DUSP4: variants seen among roughly 807,000 people sequenced by gnomAD.
The protein encoded by DUSP4 is dual specificity phosphatase 4, also known as dual specificity protein phosphatase 4.
DUSP4 carries 12 observed loss-of-function variants against 27.2 expected under a neutral mutation model. The observed-to-expected ratio is 0.44, with a 90% confidence interval of 0.28 to 0.71. The LOEUF (loss-of-function observed/expected upper bound fraction) is 0.71, where lower values mean the gene tolerates loss of function less well. Ranked by LOEUF, DUSP4 falls within the 30% of genes least tolerant of loss-of-function variation. The pLI, the probability that DUSP4 is intolerant of heterozygous loss-of-function variation, is 0.14. For synonymous variants in DUSP4, 257 were observed against 245.2 expected, an observed-to-expected ratio of 1.05 and a Z score of -0.45; for missense variants, 448 against 551.3, an observed-to-expected ratio of 0.81 and a Z score of 1.88.
intron 1 of DUSP4, among the ~76,000 whole-genome samples, chr8:29,347,221 G>C (rs1817748499): frequency 6.6e-6 from 1 of 152,168 alleles, no homozygotes. Context: ...CACTGCACTG[G>C]CTTCCAGGCA....
At chr8:29,341,825 A>C (rs748429894) in intron 1 of DUSP4, among the ~76,000 whole-genome samples, 1 of 152,212 alleles carries the variant, frequency 6.6e-6, no homozygotes, top group Non-Finnish European at 1.5e-5. Flanking sequence ...CTGTGATGGG[A>C]AACTTCAGTC....
chr8:29,344,829 ATCT>A (rs1314872834), intron 1 of DUSP4, among the ~76,000 whole-genome samples: 1 of 149,534 alleles, frequency 6.7e-6, no homozygotes, highest in African/African-American at 2.5e-5. Context: ...ATGGTCATGG[ATCT>A]TTTTTTTTTT....
rs1361152369 is a variant in DUSP4 at position 29,334,325 on chromosome 8, T to A, written c.*2701A>T. On this transcript the variant is annotated 3_prime_UTR_variant, in exon 4 of 4. Transcript: ENST00000240100. ...GACTGACGCTGGGGTGGTATCTTCA[T>A]CAGAGCTATTGTAAGTCATCCAAAA... 1 of 152,244 alleles carries A rather than the reference T, an allele frequency of 6.6e-6. No homozygotes were observed. Among genetic ancestry groups the A allele is most frequent in the Non-Finnish European group, 1.5e-5 (1 of 68,044 alleles). 9.4% of individuals were successfully genotyped at this position (152,244 alleles called of 1,614,324 possible). A position where few individuals can be genotyped will look rare whatever the true frequency, so the allele number is the denominator to read the frequency against.
In DUSP4 at chr8:29,337,225, T is replaced by A; in HGVS notation, c.986A>T (p.Gln329Leu). The change falls in exon 4 of 4, where the codon CAG (glutamine) becomes CTG (leucine). Residue 329 changes from glutamine to leucine, a missense_variant. Gln to Leu is a moderately radical substitution (Grantham distance 113, BLOSUM62 -2). This residue lies in a region of DUSP4 where 100 missense variants were observed against 139.8 expected (regional missense o/e 0.72). Transcript: ENST00000240100. This position sits in a 1 kb window ranked among gnomAD's most constrained non-coding sequence, Gnocchi z 6.4. ...PNFSFMGQLLQFESQVLATSC... is the reference protein window; with the variant it reads ...PNFSFMGQLLLFESQVLATSC... The stretch of plus-strand genomic sequence containing the variant: ...CGTGGCCAGCACCTGGGACTCGAAC[T>A]GCAGCAGCTGCCCCATGAAGCTGAA... 1.2e-6 allele frequency: 2 copies of A among 1,613,756 alleles called. No individual in the cohort carries two copies. Among genetic ancestry groups the A allele is most frequent in the Non-Finnish European group, 1.7e-6 (2 of 1,179,962 alleles).
chr8:29,350,171 G>T lies in DUSP4; in HGVS notation c.108C>A (p.Thr36=). ...GGAGGSGSHG[T]LGLPSGGKCL... ...ACTTGCCGCCGCTCGGCAGCCCCAG[G>T]GTGCCGTGGCTGCCGCTGCCGCCCG... Residue 36 remains threonine (T), a synonymous_variant, in exon 1 of 4, where the codon ACC becomes ACA. Transcript: ENST00000240100. 6.2e-7 allele frequency: 1 copy of T among 1,608,938 alleles called. No homozygotes were observed. Among genetic ancestry groups the T allele is most frequent in the Non-Finnish European group, 8.5e-7 (1 of 1,178,686 alleles).
In DUSP4 at chr8:29,340,181, C is replaced by T. The variant is rs776559106; in HGVS notation, c.496G>A (p.Ala166Thr). 3.7e-5 allele frequency: 60 copies of T among 1,613,170 alleles called. 1 individual carries two copies. In the Admixed American group the frequency reaches 9.5e-4, roughly 26 times the overall value. Residue 166 changes from alanine to threonine, a missense_variant, in exon 2 of 4, where the codon GCC becomes ACC. Ala to Thr is a moderately conservative substitution (Grantham distance 58, BLOSUM62 0). Transcript: ENST00000240100. Reference sequence around the variant, plus strand: ...CTGGGGGGAACCGGGGGTGGGATGGCTGCCAGGGCCTTGGTTTTAGAACAG... The same window carrying T: ...CTGGGGGGAACCGGGGGTGGGATGGTTGCCAGGGCCTTGGTTTTAGAACAG... ...EFCSKTKALA[A>T]IPPPVPPSAT...
intron 1 of DUSP4, among the ~76,000 whole-genome samples, chr8:29,340,506 A>G (rs769616722): frequency 6.6e-6 from 1 of 152,200 alleles, no homozygotes; most frequent in Non-Finnish European, 1.5e-5. Flanking sequence ...GTAGACATAC[A>G]AAGGAAGACG....
At chr8:29,347,648 T>C in intron 1 of DUSP4, 1 of 709,574 alleles carries the variant, frequency 1.4e-6, no homozygotes, top group South Asian at 6.3e-5. Context: ...GATGTCCACT[T>C]TGAGATGCAG....
In DUSP4 at chr8:29,348,816, C is replaced by A. The variant is rs1019777884; in HGVS notation, c.433+1030G>T. The A allele has an allele frequency of 4.1e-6, 4 of 984,742 alleles. No homozygotes were observed. In the African/African-American group the frequency reaches 5.2e-5, roughly 13 times the overall value. 61.0% of individuals were successfully genotyped at this position (984,742 alleles called of 1,614,324 possible). A position where few individuals can be genotyped will look rare whatever the true frequency, so the allele number is the denominator to read the frequency against. ...GGGGGTCTGAACTGCCTACCGGGCT[C>A]GGAAGCGCAGACCCTACCCGCGCGG... is the stretch of plus-strand genomic sequence containing the variant. On this transcript the variant is annotated intron_variant, in intron 1 of 3. Coordinates refer to ENST00000240100, the MANE Select transcript of DUSP4 (RefSeq NM_001394.7).
chr8:29,346,168 T>C, intron 1 of DUSP4: 3 of 750,040 alleles, frequency 4.0e-6, no homozygotes, highest in Non-Finnish European at 4.9e-6. Flanking sequence ...CCTTAGTGAC[T>C]GTTTTCTACA....
intron 1 of DUSP4, chr8:29,345,266 A>G (rs1817713926): frequency 5.1e-6 from 7 of 1,373,742 alleles, no homozygotes; most frequent in Non-Finnish European, 7.0e-6. Flanking sequence ...GGTTGTTTGA[A>G]GGCCATTTGC....
rs192906271 is a variant in DUSP4, at chr8:29,346,070, T to C, written c.433+3776A>G. The C allele has an allele frequency of 3.7e-4, 367 of 985,192 alleles. 2 individuals carry two copies. In the African/African-American group the frequency reaches 6.1e-3, roughly 16 times the overall value. 61.0% of individuals were successfully genotyped at this position (985,192 alleles called of 1,614,324 possible). On this transcript the variant is annotated intron_variant, in intron 1 of 3. Transcript: ENST00000240100. ...GAACTGAAGACAGAGAGAGCAATGG[T>C]GGGGCTAGAGAGAGAAAAAACAGAA...
Position 29,337,011 on chromosome 8 carries a change from G to T in DUSP4, c.*15C>A, listed in dbSNP as rs530123517. The stretch of plus-strand genomic sequence containing the variant: ...GCTGGGAGCCAGCTCTGGTTCTGGG[G>T]CCCCCAGGGCGGCTCTAACAGCTGG... On this transcript the variant is annotated 3_prime_UTR_variant, in exon 4 of 4. Coordinates refer to ENST00000240100, the MANE Select transcript of DUSP4 (RefSeq NM_001394.7). The surrounding 1 kb of genome is among the most constrained non-coding windows in gnomAD (Gnocchi z 6.4). 419 of 1,571,810 alleles carry T rather than the reference G, an allele frequency of 2.7e-4. No homozygotes were observed. In the African/African-American group the frequency reaches 5.3e-3, roughly 20 times the overall value.
At chr8:29,340,634 C>T (rs145850859) in intron 1 of DUSP4, among the ~76,000 whole-genome samples, 1 of 152,224 alleles carries the variant, frequency 6.6e-6, no homozygotes, top group East Asian at 1.9e-4. Context: ...ACACCTGCCA[C>T]CCCTGATTCC....
chr8:29,348,810 C>A, intron 1 of DUSP4: 35 of 984,960 alleles, frequency 3.6e-5, no homozygotes, highest in Non-Finnish European at 4.1e-5. Flanking sequence ...AACTGCCTAC[C>A]GGGCTCGGAA....
Position 29,350,203 on chromosome 8 carries a change from CG to C in DUSP4, c.75del (p.Gly26AlafsTer37). ...LKRLMNRDEN[G>X]GGAGGSGSHG... ...TGGCTGCCGCTGCCGCCCGCGCCGC[CG>C]CCATTCTCGTCCCGGTTCATCAGCC... On this transcript the variant is annotated frameshift_variant, in exon 1 of 4. Transcript: ENST00000240100. LOFTEE classifies it high-confidence loss of function. 1 of 1,609,018 alleles carries C rather than the reference CG, an allele frequency of 6.2e-7. No homozygotes were observed.
At chr8:29,343,227 CA>C (rs1252748527) in intron 1 of DUSP4, among the ~76,000 whole-genome samples, 1 of 147,256 alleles carries the variant, frequency 6.8e-6, no homozygotes, top group Non-Finnish European at 1.5e-5. Flanking sequence ...GGGGCAGAAA[CA>C]CTGGAAGGTT....
chr8:29,346,441 A>G (rs1175110501), intron 1 of DUSP4, among the ~76,000 whole-genome samples: 1 of 152,240 alleles, frequency 6.6e-6, no homozygotes, highest in African/African-American at 2.4e-5. Flanking sequence ...GGCAAAGAAT[A>G]GGGTAAGAAA....
rs111258172 is a variant in DUSP4 at position 29,337,926 on chromosome 8, G to A, written c.799+356C>T. ...AGATGGCGCCACTGCACTCCAGCCT[G>A]GGCAACAGAGCAAGGCTCTGTCTCA... On this transcript the variant is annotated intron_variant, in intron 3 of 3. Coordinates refer to ENST00000240100, the MANE Select transcript of DUSP4 (RefSeq NM_001394.7). The surrounding 1 kb of genome is among the most constrained non-coding windows in gnomAD (Gnocchi z 6.4). Among the ~76,000 whole-genome samples, 1,493 of 152,160 alleles carry A rather than the reference G, an allele frequency of 9.8e-3. 15 individuals carry two copies. The highest frequency in any genetic ancestry group is 0.028 in the African/African-American group (1,150 of 41,542).
Sources: allele counts gnomAD v4.1 joint callset (sites outside exome capture counted in the v4.1 genomes callset), GRCh38; gene constraint gnomAD v4.1.1; regional missense constraint gnomAD v4.1.1; non-coding constraint Gnocchi (gnomAD v3.1); transcripts MANE v1.5; gene names NCBI Gene and HGNC (gene_info 2026-07-23, HGNC 2026-07-21).